GPC5: variants seen among roughly 807,000 people sequenced by gnomAD.
The protein encoded by GPC5 is glypican-5.
In GPC5, 47 loss-of-function variants were observed where a neutral mutation model predicts 53.9. That is an observed-to-expected ratio of 0.87 (90% CI 0.69 to 1.11). The LOEUF (loss-of-function observed/expected upper bound fraction) is 1.11. Among genes scored for constraint, GPC5 ranks in the 50% most tolerant of loss-of-function variants. The pLI is 0.00. For synonymous variants in GPC5, 286 were observed against 263.3 expected (o/e 1.09, Z -0.84); for missense variants, 748 against 713.1 (o/e 1.05, Z -0.56).
At chr13:92,207,927 T>C (rs2042349084) in intron 7 of GPC5, among the ~76,000 whole-genome samples, 1 of 152,202 alleles carries the variant, frequency 6.6e-6, no homozygotes, top group African/African-American at 2.4e-5. Flanking sequence ...AATTTGTAGC[T>C]CCCAAGGGCT....
At chr13:92,139,847 T>C (rs898430816) in intron 6 of GPC5, among the ~76,000 whole-genome samples, 1 of 152,062 alleles carries the variant, frequency 6.6e-6, no homozygotes, top group Admixed American at 6.6e-5. Context: ...TAGAGGGCAT[T>C]GAAGGCAGGG....
chr13:91,970,600 A>T (rs1242337412), intron 6 of GPC5, among the ~76,000 whole-genome samples: 2 of 152,200 alleles, frequency 1.3e-5, no homozygotes, highest in Non-Finnish European at 2.9e-5. Context: ...CAATGAAGAA[A>T]AAAAATGAGG....
At chr13:91,977,548 T>C (rs1000993849) in intron 6 of GPC5, among the ~76,000 whole-genome samples, 2 of 152,168 alleles carry the variant, frequency 1.3e-5, no homozygotes, top group African/African-American at 2.4e-5. Flanking sequence ...TATGCCACTT[T>C]GACATTAGGA....
intron 3 of GPC5, among the ~76,000 whole-genome samples, chr13:91,723,420 T>G (rs2036514712): frequency 6.6e-6 from 1 of 152,064 alleles, no homozygotes; most frequent in Non-Finnish European, 1.5e-5. Context: ...TATTTAGAGC[T>G]GTCTTTTAGA....
chr13:91,764,819 AAAG>A (rs1386416712), intron 5 of GPC5, among the ~76,000 whole-genome samples: 1 of 152,154 alleles, frequency 6.6e-6, no homozygotes, highest in African/African-American at 2.4e-5. Context: ...CAAAAGTGAG[AAAG>A]AAGAAGTGAG....
chr13:92,362,486 T>C (rs896605621), intron 7 of GPC5, among the ~76,000 whole-genome samples: 2 of 151,848 alleles, frequency 1.3e-5, no homozygotes, highest in Non-Finnish European at 2.9e-5. Context: ...TGAAAAACTA[T>C]GGCAAGATTT....
chr13:92,651,948 T>TA (rs34093227), intron 7 of GPC5, among the ~76,000 whole-genome samples: 13,636 of 151,774 alleles, frequency 0.09, 977 homozygotes, highest in East Asian at 0.32. Flanking sequence ...ATACATTATG[T>TA]AAAAAAAAGC....
chr13:91,408,081 C>T (rs1161606681), intron 1 of GPC5, among the ~76,000 whole-genome samples: 2 of 152,090 alleles, frequency 1.3e-5, no homozygotes, highest in Non-Finnish European at 2.9e-5. Flanking sequence ...CATTCACTCT[C>T]TTAGCATTTT....
At chr13:91,478,826 C>T (rs9589253) in intron 2 of GPC5, among the ~76,000 whole-genome samples, 19,903 of 61,990 alleles carry the variant, frequency 0.32, 3,176 homozygotes, top group East Asian at 0.59. Context: ...TATATATACA[C>T]ACACACACAT....
intron 2 of GPC5, among the ~76,000 whole-genome samples, chr13:91,554,759 C>T (rs147454694): frequency 7.5e-4 from 114 of 152,130 alleles, no homozygotes; most frequent in African/African-American, 2.4e-3. Context: ...GTAACCTCTC[C>T]GTGGTGTTGA....
chr13:91,928,273 G>C (rs570497713), intron 6 of GPC5, among the ~76,000 whole-genome samples: 60 of 152,304 alleles, frequency 3.9e-4, no homozygotes, highest in Non-Finnish European at 6.0e-4. Flanking sequence ...TGAAGTTGTT[G>C]TAAATGACAT....
At chr13:92,205,004 CAGT>C (rs2042323132) in intron 7 of GPC5, among the ~76,000 whole-genome samples, 1 of 151,848 alleles carries the variant, frequency 6.6e-6, no homozygotes, top group Admixed American at 6.6e-5. Context: ...TCAGCCTCTC[CAGT>C]AGCTGGGACT....
chr13:92,765,973 G>A (rs1384229190), intron 7 of GPC5, among the ~76,000 whole-genome samples: 13 of 152,064 alleles, frequency 8.5e-5, no homozygotes, highest in Admixed American at 8.5e-4. Flanking sequence ...TTTTAAGGCA[G>A]ATAGGCTTTG....
chr13:92,133,028 C>T (rs1255954720), intron 6 of GPC5, among the ~76,000 whole-genome samples: 2 of 151,812 alleles, frequency 1.3e-5, no homozygotes, highest in Non-Finnish European at 2.9e-5. Flanking sequence ...TTATTAGTCT[C>T]AACAAGATTG....
intron 6 of GPC5, among the ~76,000 whole-genome samples, chr13:92,085,716 T>A (rs1165832152): frequency 1.3e-5 from 2 of 151,572 alleles, no homozygotes; most frequent in East Asian, 3.9e-4. Context: ...ATCTGGGGGG[T>A]GATGGGAGAC....
intron 7 of GPC5, among the ~76,000 whole-genome samples, chr13:92,814,985 A>G (rs1044612766): frequency 1.3e-5 from 2 of 152,008 alleles, no homozygotes; most frequent in Admixed American, 6.6e-5. Context: ...CTTAAGAATA[A>G]TAAACAATTT....
chr13:92,233,910 T>C (rs2042550246), intron 7 of GPC5, among the ~76,000 whole-genome samples: 2 of 152,122 alleles, frequency 1.3e-5, no homozygotes, highest in Non-Finnish European at 2.9e-5. Flanking sequence ...CATCTGGTGT[T>C]TGGTTTTTTG....
intron 7 of GPC5, among the ~76,000 whole-genome samples, chr13:92,363,508 A>G (rs1221114029): frequency 2.0e-5 from 3 of 151,742 alleles, no homozygotes; most frequent in Non-Finnish European, 2.9e-5. Flanking sequence ...ACAGTTCACA[A>G]TAGAGTTCTC....
intron 7 of GPC5, among the ~76,000 whole-genome samples, chr13:92,221,304 C>T (rs1475789644): frequency 6.6e-6 from 1 of 152,120 alleles, no homozygotes; most frequent in East Asian, 1.9e-4. Context: ...CGCTATAGTT[C>T]ATCCAACTTT....
Sources: allele counts gnomAD v4.1 joint callset (sites outside exome capture counted in the v4.1 genomes callset), GRCh38; gene constraint gnomAD v4.1.1; transcripts MANE v1.5; gene names NCBI Gene and HGNC (gene_info 2026-07-23, HGNC 2026-07-21).